ABCC5: variants seen among roughly 807,000 people sequenced by gnomAD.
ABCC5 encodes the protein ATP-binding cassette sub-family C member 5.
Under a neutral mutation model 160.9 loss-of-function variants are expected in ABCC5, and 61 were observed. The observed-to-expected ratio is 0.38, with a 90% CI of 0.31 to 0.47. The LOEUF (loss-of-function observed/expected upper bound fraction) is 0.47, where lower values mean the gene tolerates loss of function less well. Among genes scored for constraint, ABCC5 ranks in the 20% least tolerant of loss-of-function variants. The pLI, the probability that ABCC5 is intolerant of heterozygous loss-of-function variation, is 0.99. For missense variants in ABCC5, 1,308 were observed against 1,813.3 expected, an observed-to-expected ratio of 0.72 and a Z score of 5.06; for synonymous variants, 666 against 700.6, an observed-to-expected ratio of 0.95 and a Z score of 0.78.
intron 20 of ABCC5, among the ~76,000 whole-genome samples, chr3:183,950,779 G>A (rs1715273978): frequency 6.6e-6 from 1 of 152,196 alleles, no homozygotes; most frequent in African/African-American, 2.4e-5. Context: ...CTGGCCATGG[G>A]TTTACAATGG....
chr3:183,995,708 G>A (rs966354374), intron 2 of ABCC5, among the ~76,000 whole-genome samples: 4 of 152,200 alleles, frequency 2.6e-5, no homozygotes, highest in Non-Finnish European at 5.9e-5. Flanking sequence ...TGGATAGTGT[G>A]ATGCCTTCAA....
intron 2 of ABCC5, among the ~76,000 whole-genome samples, chr3:183,996,162 G>C (rs946643445): frequency 1.3e-5 from 2 of 152,092 alleles, no homozygotes; most frequent in Admixed American, 6.6e-5. Flanking sequence ...AGGAAAACTT[G>C]GCAAGCAATC....
chr3:183,973,418 T>C (rs1717945134), intron 10 of ABCC5, among the ~76,000 whole-genome samples: 1 of 152,142 alleles, frequency 6.6e-6, no homozygotes, highest in Admixed American at 6.5e-5. Context: ...TGATTTAAAA[T>C]ATATTTATCT....
chr3:183,926,278 G>A (rs573924722), intron 28 of ABCC5, among the ~76,000 whole-genome samples: 1 of 151,338 alleles, frequency 6.6e-6, no homozygotes, highest in African/African-American at 2.4e-5. Context: ...TAGGCTGAGC[G>A]CAGTGGCTCA....
chr3:183,983,754 G>A (rs1170481806), intron 5 of ABCC5: 2 of 985,370 alleles, frequency 2.0e-6, no homozygotes, highest in Non-Finnish European at 1.2e-6. Context: ...ACCAGGAAGT[G>A]GGAAGGAATG....
At chr3:183,962,452 G>C (rs575153876) in intron 15 of ABCC5, among the ~76,000 whole-genome samples, 2 of 152,016 alleles carry the variant, frequency 1.3e-5, no homozygotes, top group East Asian at 3.9e-4. Flanking sequence ...CAAAACATCA[G>C]TGGTGCCAAC....
At chr3:183,979,054 A>G (rs1011499435) in intron 8 of ABCC5, among the ~76,000 whole-genome samples, 2 of 152,156 alleles carry the variant, frequency 1.3e-5, no homozygotes, top group African/African-American at 4.8e-5. Context: ...AAAGGGAGGG[A>G]CTAAGAGGCC....
intron 26 of ABCC5, among the ~76,000 whole-genome samples, chr3:183,937,277 T>C (rs756625672): frequency 1.3e-5 from 2 of 152,224 alleles, no homozygotes; most frequent in African/African-American, 4.8e-5. Flanking sequence ...TTCGGGAGGC[T>C]GTGGCAGGAG....
chr3:183,989,497 TC>T, intron 2 of ABCC5, 114 bp from the exon 3 acceptor site: 1 of 1,118,528 alleles, frequency 8.9e-7, no homozygotes, highest in Non-Finnish European at 1.3e-6. Context: ...ACTGAGAAAT[TC>T]CAAGCAAGGG....
In ABCC5 at chr3:184,014,295, C is replaced by T. The variant is rs548366681; in HGVS notation, c.98G>A (p.Arg33His). 22 of 1,613,934 alleles carry T rather than the reference C, an allele frequency of 1.4e-5. No homozygotes were observed. Among genetic ancestry groups the T allele is most frequent in the Middle Eastern group, 1.6e-4 (1 of 6,062 alleles). ...AGTTCTCCTGAACTTGGAATCTTCA[C>T]GGTCTCTGTGCGTCCCAGAAGTGCT... ...RTSTSGTHRD[R>H]EDSKFRRTRP... The change falls in exon 2 of 30, where the codon CGT becomes CAT. Residue 33 changes from arginine to histidine, a missense_variant. Arg to His is a conservative substitution (Grantham distance 29). Around this residue, in one of 3 missense-constraint regions of ABCC5, gnomAD observed 1,142 missense variants for 1,527.1 expected, o/e 0.75. Transcript: ENST00000334444.
chr3:184,001,847 T>C (rs1169922868), intron 2 of ABCC5, among the ~76,000 whole-genome samples: 1 of 152,136 alleles, frequency 6.6e-6, no homozygotes. Context: ...CCATTTCTCT[T>C]AAGGAGCACA....
In ABCC5 at chr3:184,014,393, C is replaced by A; in HGVS notation, c.-1G>T. The A allele has an allele frequency of 6.2e-7, 1 of 1,610,990 alleles. No individual in the cohort carries two copies. Among genetic ancestry groups the A allele is most frequent in the Non-Finnish European group, 8.5e-7 (1 of 1,178,770 alleles). Reference sequence around the variant, plus strand: ...CTTTTCCTATGTCGATATCCTTCATCTTCTCTGAGTGGAGGTTCCAGGGCT... The same window carrying A: ...CTTTTCCTATGTCGATATCCTTCATATTCTCTGAGTGGAGGTTCCAGGGCT... On this transcript the variant is annotated 5_prime_UTR_variant, in exon 2 of 30. Coordinates refer to ENST00000334444, the MANE Select transcript of ABCC5 (RefSeq NM_005688.4).
chr3:183,958,055 C>T (rs868170240), intron 17 of ABCC5, among the ~76,000 whole-genome samples: 5 of 151,798 alleles, frequency 3.3e-5, no homozygotes, highest in Admixed American at 6.6e-5. Context: ...TAAATCACAT[C>T]GGTTACATGC....
chr3:183,927,645 T>A (rs1712717974), intron 27 of ABCC5: 2 of 985,462 alleles, frequency 2.0e-6, no homozygotes, highest in Non-Finnish European at 1.2e-6. Flanking sequence ...CAATAGACTA[T>A]TCTGTTAGCT....
In ABCC5 at chr3:183,978,625, A is replaced by G. The variant is rs1415943206; in HGVS notation, c.1174T>C (p.Leu392=). The stretch of plus-strand genomic sequence containing the variant: ...CTCTGGAAGTACCCAGCTTTTTCCA[A>G]TATCCGACGCTCCTCCTCGCGGATT... ...QKIREEERRI[L]EKAGYFQSIT... The change falls in exon 9 of 30, where the codon TTG becomes CTG. Residue 392 remains leucine (L), a synonymous_variant. Coordinates refer to ENST00000334444, the MANE Select transcript of ABCC5 (RefSeq NM_005688.4). 4 of 1,613,372 alleles carry G rather than the reference A, an allele frequency of 2.5e-6. No individual in the cohort carries two copies. The highest frequency in any genetic ancestry group is 3.4e-6 in the Non-Finnish European group (4 of 1,179,832).
At chr3:183,978,005 G>A (rs1055133550) in intron 9 of ABCC5, among the ~76,000 whole-genome samples, 8 of 151,986 alleles carry the variant, frequency 5.3e-5, no homozygotes, top group Non-Finnish European at 8.8e-5. Context: ...CGCCCGCCTC[G>A]GCCTCCCAAA....
Position 183,927,433 on chromosome 3 carries a change from A to G in ABCC5, c.3944T>C (p.Leu1315Pro). The part of the protein sequence containing the change: ...RTHMKECIAQ[L>P]PLKLESEVME... ...CACTTCAGATTCAAGTTTCAGAGGT[A>G]GCTGAGCAATCTAGGGAGAAAGAAA... The change falls in exon 28 of 30, where the codon CTA (leucine) becomes CCA (proline). Residue 1315 changes from leucine (L) to proline (P), a missense_variant. Leu to Pro is a moderately conservative substitution (Grantham distance 98). Transcript: ENST00000334444. 2 of 1,612,810 alleles carry G rather than the reference A, an allele frequency of 1.2e-6. No homozygotes were observed.
intron 17 of ABCC5, among the ~76,000 whole-genome samples, chr3:183,956,632 G>C (rs553820230): frequency 1.8e-3 from 271 of 148,098 alleles, no homozygotes; most frequent in African/African-American, 6.3e-3. Context: ...ATGCAGATCC[G>C]TGTGTAAATC....
Position 183,942,926 on chromosome 3 carries a change from C to T in ABCC5, c.3505-10G>A, listed in dbSNP as rs1229614011. ...CTTCCAAGGACAGAGTCTGGGGAGA[C>T]AAGGGTGGCCAGTTCAGACTGACCA... On this transcript the variant is annotated splice_polypyrimidine_tract_variant and intron_variant, in intron 24 of 29. Coordinates refer to ENST00000334444, the MANE Select transcript of ABCC5 (RefSeq NM_005688.4). 4 of 1,604,086 alleles carry T rather than the reference C, an allele frequency of 2.5e-6. No individual in the cohort carries two copies. The South Asian group carries it at 4.4e-5, about 18-fold the overall frequency.
Sources: gnomAD v4.1 joint callset for allele counts (sites outside exome capture counted in the v4.1 genomes callset) on GRCh38, gnomAD v4.1.1 for gene constraint, gnomAD v4.1.1 regional missense constraint, MANE v1.5 for transcripts, NCBI Gene and HGNC (gene_info 2026-07-23, HGNC 2026-07-21) for gene names.